Variants in TTI1 observed in about 807,000 individuals in gnomAD.
TTI1 encodes the protein TELO2-interacting protein 1 homolog.
In TTI1, 52 loss-of-function variants were observed where a neutral mutation model predicts 85.4. The ratio of observed to expected loss-of-function variants is 0.61; its 90% CI spans 0.49 to 0.77. The LOEUF (loss-of-function observed/expected upper bound fraction) is 0.77. Ranked by LOEUF, TTI1 falls within the 30% of genes least tolerant of loss-of-function variation. The pLI is 0.00. For missense variants in TTI1, 1,173 were observed against 1,296.0 expected (o/e 0.91, Z 1.46); for synonymous variants, 512 against 503.9 (o/e 1.02, Z -0.22).
intron 1 of TTI1, among the ~76,000 whole-genome samples, chr20:38,031,023 A>C (rs1182046529): frequency 3.3e-5 from 5 of 152,128 alleles, no homozygotes; most frequent in East Asian, 3.8e-4. Flanking sequence ...CTATCAGCGG[A>C]TCCTGTTACC....
chr20:37,992,986 A>G (rs1000410715), intron 7 of TTI1, among the ~76,000 whole-genome samples: 6 of 151,980 alleles, frequency 3.9e-5, no homozygotes, highest in African/African-American at 1.5e-4. Context: ...TCCAACGCCT[A>G]CCCTCAGGGA....
chr20:38,011,481 C>T (rs753620112), intron 2 of TTI1, 34 bp downstream of exon 2: 1 of 1,602,280 alleles, frequency 6.2e-7, no homozygotes, highest in Admixed American at 1.7e-5. Flanking sequence ...TCCTGTCCCC[C>T]ACACATCAGC....
At chr20:38,026,701 A>C (rs80351992) in intron 1 of TTI1, among the ~76,000 whole-genome samples, 2,508 of 152,296 alleles carry the variant, frequency 0.016, 65 homozygotes, top group African/African-American at 0.058. Flanking sequence ...ACAGAAAGAA[A>C]ATGATAAGAA....
intron 1 of TTI1, among the ~76,000 whole-genome samples, chr20:38,031,086 AC>A (rs1325149881): frequency 6.6e-6 from 1 of 152,190 alleles, no homozygotes; most frequent in Non-Finnish European, 1.5e-5. Flanking sequence ...TTCCACAGAT[AC>A]CACCCTGGTT....
chr20:37,990,451 T>C (rs1394724871), intron 7 of TTI1, among the ~76,000 whole-genome samples: 1 of 152,226 alleles, frequency 6.6e-6, no homozygotes, highest in African/African-American at 2.4e-5. Context: ...AGTGAATTAA[T>C]TTGCCAAGGT....
Position 37,996,901 on chromosome 20 carries a change from C to A in TTI1, c.2846G>T (p.Cys949Phe). Residue 949 changes from cysteine to phenylalanine, a missense_variant, in exon 6 of 8, where the codon TGC (cysteine) becomes TTC (phenylalanine). Physicochemically the swap from Cys to Phe is radical, Grantham distance 205 (BLOSUM62 -2). Transcript: ENST00000373447. The stretch of plus-strand genomic sequence containing the variant: ...AGCCAGCTTTGGCAGGACATCTTTG[C>A]AGAACCGGCTGCGAAGAAAGTCACC... ...KCGDFLRSRF[C>F]KDVLPKLAGS... 1 of 1,614,148 alleles carries A rather than the reference C, an allele frequency of 6.2e-7. No individual in the cohort carries two copies. Among genetic ancestry groups the A allele is most frequent in the Non-Finnish European group, 8.5e-7 (1 of 1,180,036 alleles).
chr20:37,990,320 T>C (rs1305746117), intron 7 of TTI1, among the ~76,000 whole-genome samples: 2 of 152,262 alleles, frequency 1.3e-5, no homozygotes, highest in Non-Finnish European at 2.9e-5. Flanking sequence ...TTTTACTCTG[T>C]GGTGGTATTT....
At chr20:38,015,455 C>T (rs1362528576) in intron 1 of TTI1, among the ~76,000 whole-genome samples, 1 of 152,120 alleles carries the variant, frequency 6.6e-6, no homozygotes. Flanking sequence ...GGCTCATACA[C>T]TGATGAACCA....
rs1214023021 is a variant in TTI1, at chr20:38,011,559, G to C, written c.2258C>G (p.Ala753Gly). The change falls in exon 2 of 8, where the codon GCT becomes GGT. Residue 753 changes from alanine to glycine, a missense_variant. Coordinates refer to ENST00000373447, the MANE Select transcript of TTI1 (RefSeq NM_001303457.2). ...ATGCAGAACGCTGACAAAGGAAGCA[G>C]CTCTCTTATCGTAAAATTGGTCCAG... ...ATLDQFYDKR[A>G]ASFVSVLHAL... The C allele has an allele frequency of 6.2e-7, 1 of 1,614,068 alleles. No individual in the cohort carries two copies. Among genetic ancestry groups the C allele is most frequent in the African/African-American group, 1.3e-5 (1 of 74,924 alleles).
Position 38,013,307 on chromosome 20 carries a change from A to C in TTI1, c.510T>G (p.Ile170Met), listed in dbSNP as rs1304473658. The C allele has an allele frequency of 6.2e-7, 1 of 1,614,088 alleles. No homozygotes were observed. The highest frequency in any genetic ancestry group is 2.2e-5 in the East Asian group (1 of 44,882). The change falls in exon 2 of 8, where the codon ATT becomes ATG. Residue 170 changes from isoleucine to methionine, a missense_variant. Ile to Met is a conservative substitution (Grantham distance 10, BLOSUM62 1). Coordinates refer to ENST00000373447, the MANE Select transcript of TTI1 (RefSeq NM_001303457.2). ...GTAAACATTTTAAGGCAGCAATTTT[A>C]ATTTGCTTTGATTTCTCCTGTTCTG... The part of the protein sequence containing the change: ...GLAEQEKSKQ[I>M]KIAALKCLQV...
chr20:37,994,042 T>C (rs978780504), intron 7 of TTI1, among the ~76,000 whole-genome samples: 1 of 151,826 alleles, frequency 6.6e-6, no homozygotes, highest in Non-Finnish European at 1.5e-5. Flanking sequence ...GGATGTAGGG[T>C]GTGAAGGAAA....
intron 1 of TTI1, among the ~76,000 whole-genome samples, chr20:38,027,899 G>A (rs944740315): frequency 3.9e-5 from 6 of 152,124 alleles, no homozygotes; most frequent in African/African-American, 2.4e-5. Flanking sequence ...ACTCTAGCCT[G>A]GGTGACAGAG....
rs1387651090 is a variant in TTI1 at position 38,031,808 on chromosome 20, A to G, written c.-42+1596T>C. ...CTATTTCCTAACTATGTCCAAGTAC[A>G]TAGGGTACTTAACCATGCTTTACAT... On this transcript the variant is annotated intron_variant, in intron 1 of 7. Coordinates refer to ENST00000373447, the MANE Select transcript of TTI1 (RefSeq NM_001303457.2). 4.6e-5 allele frequency among the ~76,000 whole-genome samples: 7 copies of G among 152,358 alleles called. No homozygotes were observed. The East Asian group carries it at 1.2e-3, about 25-fold the overall frequency.
chr20:38,020,323 A>AATATATATATATATATATATATAT (rs1159604655), intron 1 of TTI1, among the ~76,000 whole-genome samples: 24 of 50,334 alleles, frequency 4.8e-4, no homozygotes, highest in East Asian at 1.7e-3. Flanking sequence ...AAAAAAAAAA[A>AATATATATATATATATATATATAT]ATATATATAT....
intron 2 of TTI1, among the ~76,000 whole-genome samples, chr20:38,009,421 T>TG (rs1226626485): frequency 1.3e-5 from 2 of 152,196 alleles, no homozygotes; most frequent in Non-Finnish European, 2.9e-5. Flanking sequence ...AACTTCATCT[T>TG]GCAACACTCT....
chr20:37,987,260 A>T (rs1279387491), intron 7 of TTI1: 3 of 456,670 alleles, frequency 6.6e-6, no homozygotes, highest in African/African-American at 6.0e-5. Flanking sequence ...GAGAGTGAAC[A>T]GCTGAAAGCC....
At position 38,006,249 on chromosome 20, in the gene TTI1, G is replaced by A. The variant is rs777820923; in HGVS notation, c.2451C>T (p.Leu817=). Residue 817 remains leucine (L), a synonymous_variant, in exon 3 of 8, where the codon CTC becomes CTT. Transcript: ENST00000373447. Reference sequence around the variant, plus strand: ...TTCCATCTGCCACATCCTTCTCTTTGAGGTAGTTCAGCAAAAACTGTTCGA... The same window carrying A: ...TTCCATCTGCCACATCCTTCTCTTTAAGGTAGTTCAGCAAAAACTGTTCGA... The part of the protein sequence containing the change: ...EDIEQFLLNY[L]KEKDVADGNV... 8 of 1,614,122 alleles carry A rather than the reference G, an allele frequency of 5.0e-6. No homozygotes were observed. In the South Asian group the frequency reaches 8.8e-5, roughly 18 times the overall value.
At chr20:38,018,226 G>C (rs2073712028) in intron 1 of TTI1, among the ~76,000 whole-genome samples, 6 of 152,248 alleles carry the variant, frequency 3.9e-5, no homozygotes, top group Middle Eastern at 3.4e-3. Flanking sequence ...TCAAGAAACA[G>C]AGGAAAAGAC....
chr20:38,030,494 TAAAGA>T (rs1159622788), intron 1 of TTI1, among the ~76,000 whole-genome samples: 1 of 148,324 alleles, frequency 6.7e-6, no homozygotes, highest in African/African-American at 2.5e-5. Flanking sequence ...GCAAAAATCC[TAAAGA>T]AAATATTAGG....
Sources: allele counts gnomAD v4.1 joint callset (sites outside exome capture counted in the v4.1 genomes callset), GRCh38; gene constraint gnomAD v4.1.1; transcripts MANE v1.5; gene names NCBI Gene and HGNC (gene_info 2026-07-23, HGNC 2026-07-21).